Variants in TRIM17 observed in about 807,000 individuals in gnomAD.
TRIM17 encodes the protein E3 ubiquitin-protein ligase TRIM17.
In TRIM17, 27 loss-of-function variants were observed where a neutral mutation model predicts 35.8. The ratio of observed to expected loss-of-function variants is 0.75; its 90% CI spans 0.56 to 1.04. TRIM17 has a LOEUF of 1.04. Ranked by LOEUF, TRIM17 falls within the 50% of genes least tolerant of loss-of-function variation. The pLI is 0.00. For synonymous variants in TRIM17, 246 were observed against 252.6 expected, an observed-to-expected ratio of 0.97 and a Z score of 0.25; for missense variants, 582 against 612.8, an observed-to-expected ratio of 0.95 and a Z score of 0.53.
rs1415325042 is a variant in TRIM17 at position 228,410,705 on chromosome 1, G to A, written c.756+241C>T. On this transcript the variant is annotated intron_variant, in intron 4 of 6. Transcript: ENST00000366698. This position sits in a 1 kb window ranked among gnomAD's most constrained non-coding sequence, Gnocchi z 4.6. ...ACAAGGAGATGATTAGGACAGAGAC[G>A]TGCATAGAGAGATGATGCCATGAGG... 5.9e-5 allele frequency among the ~76,000 whole-genome samples: 9 copies of A among 152,194 alleles called. No individual in the cohort carries two copies. Among genetic ancestry groups the A allele is most frequent in the Admixed American group, 1.3e-4 (2 of 15,282 alleles).
chr1:228,408,230 A>T lies in TRIM17; in HGVS notation c.1405T>A (p.Ser469Thr). 1 of 1,553,116 alleles carries T rather than the reference A, an allele frequency of 6.4e-7. No individual in the cohort carries two copies. Among genetic ancestry groups the T allele is most frequent in the South Asian group, 1.2e-5 (1 of 80,366 alleles). ...CCTTTCACCCACATGGTCACTGTGG[A>T]GATGACCATCTGACCAGACTTCGGA... The part of the protein sequence containing the change: ...GAPKSGQMVI[S>T]TVTMWVKG The change falls in exon 7 of 7, where the codon TCC (serine) becomes ACC (threonine). Residue 469 changes from serine (S) to threonine (T), a missense_variant. By Grantham distance (58) the Ser-to-Thr change is moderately conservative. Transcript: ENST00000366698. The surrounding 1 kb of genome is among the most constrained non-coding windows in gnomAD (Gnocchi z 6.3).
chr1:228,415,009 A>C lies in TRIM17; in HGVS notation c.64T>G (p.Tyr22Asp). ...GTGGTCATCACAGGGTCTGTGAAGT[A>C]ATCCAGACAGATGGAGCACGTAGCT... Reference protein sequence around the residue: ...EEATCSICLDYFTDPVMTTCG... With the variant: ...EEATCSICLDDFTDPVMTTCG... The change falls in exon 2 of 7, where the codon TAC (tyrosine) becomes GAC (aspartate). Residue 22 changes from tyrosine (Y) to aspartate (D), a missense_variant. Physicochemically the swap from Tyr to Asp is radical, Grantham distance 160. Coordinates refer to ENST00000366698, the MANE Select transcript of TRIM17 (RefSeq NM_016102.4). 1 of 1,612,554 alleles carries C rather than the reference A, an allele frequency of 6.2e-7. No individual in the cohort carries two copies. Among genetic ancestry groups the C allele is most frequent in the Non-Finnish European group, 8.5e-7 (1 of 1,179,522 alleles).
At chr1:228,416,207 T>A (rs1438252961) in intron 1 of TRIM17, among the ~76,000 whole-genome samples, 1 of 152,166 alleles carries the variant, frequency 6.6e-6, no homozygotes, top group Non-Finnish European at 1.5e-5. Context: ...CTCGGAGCTT[T>A]CTGCACGCCA....
chr1:228,415,203 G>C, intron 1 of TRIM17, 90 bp from the exon 2 acceptor site: 3 of 1,052,922 alleles, frequency 2.8e-6, no homozygotes, highest in Non-Finnish European at 4.0e-6. Flanking sequence ...AGGAGGGCTA[G>C]GACTGCAGTC....
rs754146562 is a variant in TRIM17, at chr1:228,408,698, T to G, written c.937A>C (p.Ser313Arg). Residue 313 changes from serine (S) to arginine (R), a missense_variant, in exon 7 of 7, where the codon AGC (serine) becomes CGC (arginine). Ser to Arg is a moderately radical substitution (Grantham distance 110). Coordinates refer to ENST00000366698, the MANE Select transcript of TRIM17 (RefSeq NM_016102.4). The surrounding 1 kb of genome is among the most constrained non-coding windows in gnomAD (Gnocchi z 6.3). ...SAYPYLLLYESRQRRYLGSSP... is the reference protein window; with the variant it reads ...SAYPYLLLYERRQRRYLGSSP... Reference sequence around the variant, plus strand: ...GAGCCGAGGTAGCGCCTCTGGCGGCTCTCATACAGGAGGAGGTAGGGGTAC... The same window carrying G: ...GAGCCGAGGTAGCGCCTCTGGCGGCGCTCATACAGGAGGAGGTAGGGGTAC... 6.2e-7 allele frequency: 1 copy of G among 1,608,108 alleles called. No individual in the cohort carries two copies. Among genetic ancestry groups the G allele is most frequent in the Non-Finnish European group, 8.5e-7 (1 of 1,180,000 alleles).
intron 3 of TRIM17, among the ~76,000 whole-genome samples, chr1:228,413,500 T>C (rs1171505359): frequency 6.6e-6 from 1 of 152,086 alleles, no homozygotes; most frequent in African/African-American, 2.4e-5. Context: ...GCTGCCTCCT[T>C]TGTGGTACTG....
chr1:228,415,314 G>T (rs1053067859), intron 1 of TRIM17: 4 of 506,066 alleles, frequency 7.9e-6, no homozygotes, highest in Non-Finnish European at 1.0e-5. Context: ...TGCTCTGCAG[G>T]CCCCTCCGCC....
At chr1:228,414,556 A>T (rs1264029292) in intron 2 of TRIM17, 88 bp downstream of exon 2, 5 of 1,166,690 alleles carry the variant, frequency 4.3e-6, no homozygotes, top group Non-Finnish European at 6.2e-6. Context: ...GTCCCTGGAC[A>T]CCTCCTCCCT....
At position 228,411,232 on chromosome 1, in the gene TRIM17, G is replaced by A; in HGVS notation, c.526-56C>T. The A allele has an allele frequency of 6.9e-7, 1 of 1,441,724 alleles. No individual in the cohort carries two copies. The allele number at this position is 1,441,724 out of a possible 1,614,324, so 89.3% of individuals were successfully genotyped here. ...CAGCAGGTGGCTCAGCTCCAGGGAT[G>A]CTGGCACCTCTCCCCAGGGCCCTGG... On this transcript the variant is annotated intron_variant, in intron 3 of 6. Coordinates refer to ENST00000366698, the MANE Select transcript of TRIM17 (RefSeq NM_016102.4). The surrounding 1 kb of genome is among the most constrained non-coding windows in gnomAD (Gnocchi z 4.2).
In TRIM17 at chr1:228,408,349, A is replaced by C. The variant is rs1025997353; in HGVS notation, c.1286T>G (p.Val429Gly). 1.2e-6 allele frequency: 2 copies of C among 1,614,044 alleles called. No individual in the cohort carries two copies. The highest frequency in any genetic ancestry group is 2.2e-5 in the East Asian group (1 of 44,872). Residue 429 changes from valine to glycine, a missense_variant, in exon 7 of 7, where the codon GTG becomes GGG. Val to Gly is a moderately radical substitution (Grantham distance 109). Coordinates refer to ENST00000366698, the MANE Select transcript of TRIM17 (RefSeq NM_016102.4). The surrounding 1 kb of genome is among the most constrained non-coding windows in gnomAD (Gnocchi z 6.3). ...CCCATCGCTTACACTGTAGAAGGACACTTCCCCGGCTTCGAAGTCCAGGAA... is the reference window on the plus strand; with the variant it reads ...CCCATCGCTTACACTGTAGAAGGACCCTTCCCCGGCTTCGAAGTCCAGGAA... The part of the protein sequence containing the change: ...GIFLDFEAGE[V>G]SFYSVSDGSH...
At chr1:228,409,783 C>A in intron 4 of TRIM17, 1 of 218,086 alleles carries the variant, frequency 4.6e-6, no homozygotes, top group Non-Finnish European at 8.8e-6. Context: ...CAATTGGGTG[C>A]AGTTTGGGGA....
At chr1:228,414,062 A>G (rs928438018) in intron 2 of TRIM17, among the ~76,000 whole-genome samples, 170 bp from the exon 3 acceptor site, 1 of 152,224 alleles carries the variant, frequency 6.6e-6, no homozygotes, top group African/African-American at 2.4e-5. Context: ...TTTGAGCTGA[A>G]GGCACTTAAA....
intron 6 of TRIM17, 38 bp downstream of exon 6, chr1:228,409,134 T>C (rs774759935): frequency 1.5e-5 from 24 of 1,613,886 alleles, no homozygotes; most frequent in South Asian, 1.1e-4. Flanking sequence ...CGCCAAGAGA[T>C]CCTGGGTCAG....
Position 228,415,028 on chromosome 1 carries a change from C to G in TRIM17, c.45G>C (p.Thr15=). 6.2e-7 allele frequency: 1 copy of G among 1,609,944 alleles called. No individual in the cohort carries two copies. The highest frequency in any genetic ancestry group is 8.5e-7 in the Non-Finnish European group (1 of 1,177,416). Residue 15 remains threonine (T), a synonymous_variant, in exon 2 of 7, where the codon ACG becomes ACC. Coordinates refer to ENST00000366698, the MANE Select transcript of TRIM17 (RefSeq NM_016102.4). The stretch of plus-strand genomic sequence containing the variant: ...TGAAGTAATCCAGACAGATGGAGCA[C>G]GTAGCTTCCTCCTGCAGTTTTCTGG... ...ELARKLQEEA[T]CSICLDYFTD... is the part of the protein sequence containing the mutation.
Position 228,408,502 on chromosome 1 carries a change from T to A in TRIM17, c.1133A>T (p.Asp378Val). ...GVCRDNVSRK[D>V]RVPKCPENGF... ...GTTTTCGGGGCACTTGGGGACCCTG[T>A]CTTTCCGGCTCACGTTGTCCCTGCA... Residue 378 changes from aspartate (D) to valine (V), a missense_variant, in exon 7 of 7, where the codon GAC (aspartate) becomes GTC (valine). Physicochemically the swap from Asp to Val is radical, Grantham distance 152 (BLOSUM62 -3). Transcript: ENST00000366698. This position sits in a 1 kb window ranked among gnomAD's most constrained non-coding sequence, Gnocchi z 6.3. 1 of 1,614,102 alleles carries A rather than the reference T, an allele frequency of 6.2e-7. No individual in the cohort carries two copies. The highest frequency in any genetic ancestry group is 8.5e-7 in the Non-Finnish European group (1 of 1,179,996).
chr1:228,409,415 C>A lies in TRIM17; in HGVS notation c.757-4G>T. On this transcript the variant is annotated splice_region_variant and splice_polypyrimidine_tract_variant and intron_variant, in intron 4 of 6. Coordinates refer to ENST00000366698, the MANE Select transcript of TRIM17 (RefSeq NM_016102.4). ...TGCTCAGGGGTTCCTTCATGTCCTG[C>A]AAAAGACAGGGACGGAGGGTGGGGA... 3 of 1,533,542 alleles carry A rather than the reference C, an allele frequency of 2.0e-6. No homozygotes were observed. The highest frequency in any genetic ancestry group is 8.8e-7 in the Non-Finnish European group (1 of 1,142,330). 95.0% of individuals were successfully genotyped at this position (1,533,542 alleles called of 1,614,324 possible).
rs1175114668 is a variant in TRIM17, at chr1:228,408,764, G to C, written c.884-13C>G. 1 of 1,594,764 alleles carries C rather than the reference G, an allele frequency of 6.3e-7. No homozygotes were observed. Among genetic ancestry groups the C allele is most frequent in the Non-Finnish European group, 8.5e-7 (1 of 1,176,828 alleles). On this transcript the variant is annotated splice_polypyrimidine_tract_variant and intron_variant, in intron 6 of 6. Coordinates refer to ENST00000366698, the MANE Select transcript of TRIM17 (RefSeq NM_016102.4). The surrounding 1 kb of genome is among the most constrained non-coding windows in gnomAD (Gnocchi z 6.3). ...GGCACCACATCCTCTGTAGATGGGC[G>C]TGGTGGTGGAGAGATGGGGAGAGGT...
In TRIM17 at chr1:228,411,892, G is replaced by A. The variant is rs1656802170; in HGVS notation, c.526-716C>T. On this transcript the variant is annotated intron_variant, in intron 3 of 6. Transcript: ENST00000366698. This position sits in a 1 kb window ranked among gnomAD's most constrained non-coding sequence, Gnocchi z 4.2. ...TGGTTCACTGCTGTCTCAGACTCCT[G>A]GGCTCAGGTGATCCTCAGGGGCCAC... Among the ~76,000 whole-genome samples the A allele has an allele frequency of 6.6e-6, 1 of 152,158 alleles. No homozygotes were observed. Among genetic ancestry groups the A allele is most frequent in the Non-Finnish European group, 1.5e-5 (1 of 68,030 alleles).
chr1:228,409,685 C>G lies in TRIM17; in HGVS notation c.757-274G>C, dbSNP rs1159152189. On this transcript the variant is annotated intron_variant, in intron 4 of 6. Coordinates refer to ENST00000366698, the MANE Select transcript of TRIM17 (RefSeq NM_016102.4). Reference sequence around the variant, plus strand: ...TGCAACTCAGGAGAGGCGGAGGGACCCCTTCCAGGCAAGTGGCCACTCAAC... The same window carrying G: ...TGCAACTCAGGAGAGGCGGAGGGACGCCTTCCAGGCAAGTGGCCACTCAAC... The G allele has an allele frequency of 4.8e-5, 20 of 419,216 alleles. No individual in the cohort carries two copies. In the East Asian group the frequency reaches 7.1e-4, roughly 15 times the overall value. 26.0% of individuals were successfully genotyped at this position (419,216 alleles called of 1,614,324 possible). A position where few individuals can be genotyped will look rare whatever the true frequency, so the allele number is the denominator to read the frequency against.
Sources: allele counts gnomAD v4.1 joint callset (sites outside exome capture counted in the v4.1 genomes callset), GRCh38; gene constraint gnomAD v4.1.1; non-coding constraint Gnocchi (gnomAD v3.1); transcripts MANE v1.5; gene names NCBI Gene and HGNC (gene_info 2026-07-23, HGNC 2026-07-21).